Variants in CDKAL1 observed in about 807,000 individuals in gnomAD.
CDKAL1 encodes the protein CDKAL1 threonylcarbamoyladenosine tRNA methylthiotransferase, also known as threonylcarbamoyladenosine tRNA methylthiotransferase.
Under a neutral mutation model 68.2 loss-of-function variants are expected in CDKAL1, and 32 were observed. The ratio of observed to expected loss-of-function variants is 0.47; its 90% CI spans 0.35 to 0.63. The LOEUF (loss-of-function observed/expected upper bound fraction) is 0.63, where lower values mean the gene tolerates loss of function less well. Ranked by LOEUF, CDKAL1 falls within the 30% of genes least tolerant of loss-of-function variation. The pLI, the probability that CDKAL1 is intolerant of heterozygous loss-of-function variation, is 0.00. For missense variants in CDKAL1, 606 were observed against 696.7 expected (o/e 0.87, Z 1.47); for synonymous variants, 234 against 244.3 (o/e 0.96, Z 0.39).
chr6:20,618,292 C>T (rs1232382392), intron 4 of CDKAL1, among the ~76,000 whole-genome samples: 1 of 152,020 alleles, frequency 6.6e-6, no homozygotes, highest in Non-Finnish European at 1.5e-5. Context: ...TGTTTAAATT[C>T]TTTGTATATT....
intron 6 of CDKAL1, among the ~76,000 whole-genome samples, chr6:20,748,977 GTA>G (rs201765956): frequency 6.6e-6 from 1 of 151,500 alleles, no homozygotes; most frequent in Non-Finnish European, 1.5e-5. Flanking sequence ...ATATGTATGT[GTA>G]TATATATGTA....
chr6:20,742,475 C>T (rs2150328243), intron 6 of CDKAL1, among the ~76,000 whole-genome samples: 1 of 152,196 alleles, frequency 6.6e-6, no homozygotes, highest in South Asian at 2.1e-4. Flanking sequence ...TTAACCTTTG[C>T]ATCTTTTACT....
intron 11 of CDKAL1, among the ~76,000 whole-genome samples, chr6:21,032,233 G>C (rs1285484948): frequency 6.6e-6 from 1 of 152,064 alleles, no homozygotes; most frequent in East Asian, 1.9e-4. Flanking sequence ...TATTTGTATT[G>C]AATGTTGAAG....
intron 8 of CDKAL1, among the ~76,000 whole-genome samples, chr6:20,799,426 A>G (rs1295980959): frequency 6.6e-6 from 1 of 152,074 alleles, no homozygotes; most frequent in Non-Finnish European, 1.5e-5. Context: ...TGAATGGAAT[A>G]TGTCACCTGT....
At chr6:20,845,180 A>G (rs1778331509) in intron 8 of CDKAL1, among the ~76,000 whole-genome samples, 1 of 152,182 alleles carries the variant, frequency 6.6e-6, no homozygotes, top group Admixed American at 6.5e-5. Context: ...ATTTTAAAGC[A>G]TTTGTGTACT....
chr6:20,779,677 C>A (rs1487838431), intron 7 of CDKAL1, among the ~76,000 whole-genome samples: 1 of 152,196 alleles, frequency 6.6e-6, no homozygotes, highest in Non-Finnish European at 1.5e-5. Flanking sequence ...CTCTGCTGCC[C>A]AGGTTCAAGT....
At chr6:20,798,069 G>T (rs1478308432) in intron 8 of CDKAL1, among the ~76,000 whole-genome samples, 4 of 151,958 alleles carry the variant, frequency 2.6e-5, no homozygotes, top group African/African-American at 9.7e-5. Context: ...TCCCACCTCG[G>T]CCTCCCAAAG....
intron 5 of CDKAL1, among the ~76,000 whole-genome samples, chr6:20,700,481 A>T (rs1771301915): frequency 6.6e-6 from 1 of 152,236 alleles, no homozygotes; most frequent in South Asian, 2.1e-4. Context: ...AGAAACAAGG[A>T]AAGTCATTGT....
chr6:20,799,246 T>G (rs1398221568), intron 8 of CDKAL1, among the ~76,000 whole-genome samples: 4 of 151,988 alleles, frequency 2.6e-5, no homozygotes, highest in African/African-American at 7.2e-5. Context: ...GAGACGGGGT[T>G]TCTCCATGTT....
intron 13 of CDKAL1, among the ~76,000 whole-genome samples, chr6:21,164,487 A>G (rs1163472975): frequency 6.6e-6 from 1 of 150,426 alleles, no homozygotes; most frequent in Non-Finnish European, 1.5e-5. Flanking sequence ...ACCATAACAC[A>G]CACAGACCGG....
chr6:20,662,771 C>T (rs1031642501), intron 5 of CDKAL1, among the ~76,000 whole-genome samples: 11 of 152,152 alleles, frequency 7.2e-5, no homozygotes, highest in Non-Finnish European at 1.6e-4. Context: ...CCTTCTGTGT[C>T]TGTCAGATCA....
At chr6:20,798,928 A>G (rs2150401929) in intron 8 of CDKAL1, among the ~76,000 whole-genome samples, 1 of 150,826 alleles carries the variant, frequency 6.6e-6, no homozygotes, top group East Asian at 1.9e-4. Context: ...AAAAAAAAAA[A>G]AAAAAAGAAA....
In CDKAL1 at chr6:20,739,610, A is replaced by G; in HGVS notation, c.463A>G (p.Ile155Val). 6.3e-7 allele frequency: 1 copy of G among 1,599,274 alleles called. No homozygotes were observed. Among genetic ancestry groups the G allele is most frequent in the Non-Finnish European group, 8.6e-7 (1 of 1,167,522 alleles). Residue 155 changes from isoleucine (I) to valine (V), a missense_variant, in exon 6 of 16, where the codon ATT becomes GTT. Coordinates refer to ENST00000274695, the MANE Select transcript of CDKAL1 (RefSeq NM_017774.3). The part of the protein sequence containing the change: ...RQDYLKGLSI[I>V]GVQQIDRVVE... ...GGACTACCTTAAGGGACTGAGTATC[A>G]TTGGGGTAAGCTTGTACCTGATGCA...
chr6:21,108,043 A>G (rs1379499362), intron 12 of CDKAL1, among the ~76,000 whole-genome samples: 9 of 152,212 alleles, frequency 5.9e-5, no homozygotes, highest in African/African-American at 1.7e-4. Context: ...TGGTATTACA[A>G]TGAAATCGGA....
intron 10 of CDKAL1, among the ~76,000 whole-genome samples, chr6:20,984,671 A>ATCT (rs60002033): frequency 0.095 from 14,498 of 151,960 alleles, 1,171 homozygotes; most frequent in African/African-American, 0.23. Flanking sequence ...TGGGAAGGTA[A>ATCT]TCTCCTCTCC....
chr6:20,642,390 G>A (rs1768218733), intron 4 of CDKAL1, among the ~76,000 whole-genome samples: 1 of 148,362 alleles, frequency 6.7e-6, no homozygotes, highest in Admixed American at 6.8e-5. Flanking sequence ...GTATGTGTAT[G>A]AGTAAATTAA....
At chr6:20,625,352 T>C (rs73732399) in intron 4 of CDKAL1, among the ~76,000 whole-genome samples, 7,541 of 152,194 alleles carry the variant, frequency 0.05, 571 homozygotes, top group African/African-American at 0.17. Flanking sequence ...TCAAATAGTT[T>C]AGTCAATACG....
chr6:20,776,652 G>A (rs532088988), intron 7 of CDKAL1, among the ~76,000 whole-genome samples: 6 of 152,246 alleles, frequency 3.9e-5, no homozygotes, highest in South Asian at 2.1e-4. Context: ...TGCTTCTGTC[G>A]TGATGGCATG....
In CDKAL1 at chr6:21,230,919, A is replaced by G. The variant is rs150916874; in HGVS notation, c.1620A>G (p.Ser540=). Residue 540 remains serine, a synonymous_variant, in exon 16 of 16, where the codon TCA becomes TCG. Transcript: ENST00000274695. The stretch of plus-strand genomic sequence containing the variant: ...CCTCTGCTGCATCTCAGTGTGACTC[A>G]GCGAGTTCCAGAATGGTGCTGCCCA... ...SHTSAASQCD[S]ASSRMVLPMP... is the part of the protein sequence containing the mutation. 1,147 of 1,614,178 alleles carry G rather than the reference A, an allele frequency of 7.1e-4. 3 individuals are homozygous for G. Among genetic ancestry groups the G allele is most frequent in the Non-Finnish European group, 8.6e-4 (1,017 of 1,180,004 alleles).
Sources: gnomAD v4.1 joint callset for allele counts (sites outside exome capture counted in the v4.1 genomes callset) on GRCh38, gnomAD v4.1.1 for gene constraint, MANE v1.5 for transcripts, NCBI Gene and HGNC (gene_info 2026-07-23, HGNC 2026-07-21) for gene names.